The following ANTXR2 variants were observed in gnomAD, a reference collection of about 807,000 sequenced individuals.
The protein encoded by ANTXR2 is ANTXR cell adhesion molecule 2, also known as anthrax toxin receptor 2.
ANTXR2 carries 44 observed loss-of-function variants against 73.7 expected under a neutral mutation model. The observed-to-expected ratio is 0.60, with a 90% CI of 0.47 to 0.77. ANTXR2 has a LOEUF of 0.77. Ranked by LOEUF, ANTXR2 falls within the 30% of genes least tolerant of loss-of-function variation. ANTXR2 has a pLI of 0.00. For synonymous variants in ANTXR2, 217 were observed against 205.9 expected (o/e 1.05, Z -0.46); for missense variants, 604 against 592.5 (o/e 1.02, Z -0.20).
Position 80,073,131 on chromosome 4 carries a change from C to A in ANTXR2, c.-571G>T, listed in dbSNP as rs2110130295. 1 of 152,784 alleles carries A rather than the reference C, an allele frequency of 6.5e-6. No individual in the cohort carries two copies. The highest frequency in any genetic ancestry group is 1.5e-5 in the Non-Finnish European group (1 of 68,414). 9.5% of individuals were successfully genotyped at this position (152,784 alleles called of 1,614,324 possible). On this transcript the variant is annotated 5_prime_UTR_variant, in exon 1 of 17. Coordinates refer to ENST00000403729, the MANE Select transcript of ANTXR2 (RefSeq NM_058172.6). ...CTCTGGCACTGCGCTGACAGGCCGT[C>A]CCCTTTAGGGGAGGAGGCTAGCTGG...
In ANTXR2 at chr4:79,978,062, G is replaced by A. The variant is rs897099943; in HGVS notation, c.1292C>T (p.Pro431Leu). The change falls in exon 15 of 17, where the codon CCT (proline) becomes CTT (leucine). Residue 431 changes from proline to leucine, a missense_variant. Coordinates refer to ENST00000403729, the MANE Select transcript of ANTXR2 (RefSeq NM_058172.6). ...ETEEPIRPRP[P>L]RPKPTHQPPQ... ...AGGCTGGTGTGTGGGTTTGGGTCGA[G>A]GTGGTCTAGGCCTGATGGGTTCCTC... is the stretch of plus-strand genomic sequence containing the variant. 5.6e-5 allele frequency: 91 copies of A among 1,612,714 alleles called. No homozygotes were observed. Among genetic ancestry groups the A allele is most frequent in the Non-Finnish European group, 7.0e-5 (83 of 1,179,490 alleles).
Position 79,901,709 on chromosome 4 carries a change from A to G in ANTXR2, c.*5720T>C. On this transcript the variant is annotated 3_prime_UTR_variant, in exon 17 of 17. Coordinates refer to ENST00000403729, the MANE Select transcript of ANTXR2 (RefSeq NM_058172.6). ...CTCACTATAATGTAGAATCAGTGGG[A>G]GCCTGAGCTTGTTTTCCTGCAACTA... The G allele has an allele frequency of 6.0e-6, 1 of 167,812 alleles. No homozygotes were observed. The highest frequency in any genetic ancestry group is 1.2e-5 in the Non-Finnish European group (1 of 81,312). The allele number at this position is 167,812 out of a possible 1,614,324, so 10.4% of individuals were successfully genotyped here.
intron 7 of ANTXR2, among the ~76,000 whole-genome samples, chr4:80,038,002 A>G (rs1578176224): frequency 6.6e-6 from 1 of 152,112 alleles, no homozygotes; most frequent in African/African-American, 2.4e-5. Flanking sequence ...TCAGTTTATA[A>G]TCTCTTTAGT....
intron 7 of ANTXR2, among the ~76,000 whole-genome samples, chr4:80,041,948 T>A (rs1560418942): frequency 6.6e-6 from 1 of 152,080 alleles, no homozygotes; most frequent in Non-Finnish European, 1.5e-5. Context: ...TGTATCTTTG[T>A]AATAGAATGT....
chr4:79,907,329 C>CA lies in ANTXR2; in HGVS notation c.*99dup. 7.5e-7 allele frequency: 1 copy of CA among 1,331,848 alleles called. No homozygotes were observed. The highest frequency in any genetic ancestry group is 1.1e-6 in the Non-Finnish European group (1 of 936,814). 82.5% of individuals were successfully genotyped at this position (1,331,848 alleles called of 1,614,324 possible). A position where few individuals can be genotyped will look rare whatever the true frequency, so the allele number is the denominator to read the frequency against. On this transcript the variant is annotated 3_prime_UTR_variant, in exon 17 of 17. Coordinates refer to ENST00000403729, the MANE Select transcript of ANTXR2 (RefSeq NM_058172.6). ...ACTGAGAGGAATTAAGCTGCTCTTC[C>CA]AAAAGCTTCTGAAATGCACTTGATT...
chr4:80,072,717 A>G lies in ANTXR2; in HGVS notation c.-157T>C, dbSNP rs1255478807. On this transcript the variant is annotated 5_prime_UTR_variant, in exon 1 of 17. Coordinates refer to ENST00000403729, the MANE Select transcript of ANTXR2 (RefSeq NM_058172.6). ...GCGGCAGCGGGACCCACCAGCTGAC[A>G]GGGAGGGAGAGAGGGAGGTCCTGAG... The G allele has an allele frequency of 7.4e-7, 1 of 1,347,934 alleles. No individual in the cohort carries two copies. The highest frequency in any genetic ancestry group is 9.5e-7 in the Non-Finnish European group (1 of 1,055,200). 83.5% of individuals were successfully genotyped at this position (1,347,934 alleles called of 1,614,324 possible). A position where few individuals can be genotyped will look rare whatever the true frequency, so the allele number is the denominator to read the frequency against.
chr4:79,973,021 A>G (rs1729487376), intron 16 of ANTXR2, among the ~76,000 whole-genome samples: 1 of 152,148 alleles, frequency 6.6e-6, no homozygotes, highest in Non-Finnish European at 1.5e-5. Flanking sequence ...CTAGTATAAG[A>G]AATTGTCAAA....
rs1255807166 is a variant in ANTXR2, at chr4:79,905,453, A to G, written c.*1976T>C. 2 of 152,212 alleles carry G rather than the reference A, an allele frequency of 1.3e-5. No homozygotes were observed. The highest frequency in any genetic ancestry group is 1.3e-4 in the Admixed American group (2 of 15,262). The allele number at this position is 152,212 out of a possible 1,614,324, so 9.4% of individuals were successfully genotyped here. A position where few individuals can be genotyped will look rare whatever the true frequency, so the allele number is the denominator to read the frequency against. On this transcript the variant is annotated 3_prime_UTR_variant, in exon 17 of 17. Coordinates refer to ENST00000403729, the MANE Select transcript of ANTXR2 (RefSeq NM_058172.6). ...CTACTGCCAATAGTATCATCTGTGA[A>G]CATGAGGGACATTTTGGAACTGAAT...
At chr4:79,985,077 G>A (rs1434739563) in intron 12 of ANTXR2, among the ~76,000 whole-genome samples, 1 of 151,912 alleles carries the variant, frequency 6.6e-6, no homozygotes, top group Non-Finnish European at 1.5e-5. Flanking sequence ...GGCCAGGTGC[G>A]GTCGCTCATG....
At chr4:79,935,259 GA>G (rs1728216320) in intron 16 of ANTXR2, among the ~76,000 whole-genome samples, 1 of 150,810 alleles carries the variant, frequency 6.6e-6, no homozygotes, top group Admixed American at 6.6e-5. Flanking sequence ...TGACCAATTA[GA>G]AAAAGCACCC....
intron 7 of ANTXR2, among the ~76,000 whole-genome samples, chr4:80,036,974 T>C (rs574845733): frequency 1.3e-5 from 2 of 152,208 alleles, no homozygotes; most frequent in African/African-American, 4.8e-5. Flanking sequence ...ACAGACTCCA[T>C]ACTCAAGCAT....
intron 14 of ANTXR2, among the ~76,000 whole-genome samples, chr4:79,978,606 T>G (rs1729748200): frequency 6.6e-6 from 1 of 152,240 alleles, no homozygotes; most frequent in African/African-American, 2.4e-5. Context: ...ACTGAGTGAT[T>G]ACTATGTGTC....
chr4:80,033,007 AAAAG>A (rs1359752067), intron 9 of ANTXR2, among the ~76,000 whole-genome samples: 7 of 151,960 alleles, frequency 4.6e-5, no homozygotes, highest in Admixed American at 3.3e-4. Context: ...GTGACAAAAA[AAAAG>A]AAAGAAAAAA....
chr4:80,072,909 G>A lies in ANTXR2; in HGVS notation c.-349C>T. The stretch of plus-strand genomic sequence containing the variant: ...AGGAGTTCCTCTCCGGCCTGGGGCC[G>A]AGCCTCCAGCGCCCGCCTCGGACCC... On this transcript the variant is annotated 5_prime_UTR_variant, in exon 1 of 17. Coordinates refer to ENST00000403729, the MANE Select transcript of ANTXR2 (RefSeq NM_058172.6). 1 of 253,736 alleles carries A rather than the reference G, an allele frequency of 3.9e-6. No individual in the cohort carries two copies. The highest frequency in any genetic ancestry group is 6.9e-6 in the Non-Finnish European group (1 of 145,120). The allele number at this position is 253,736 out of a possible 1,614,324, so 15.7% of individuals were successfully genotyped here. A position where few individuals can be genotyped will look rare whatever the true frequency, so the allele number is the denominator to read the frequency against.
chr4:80,037,003 G>C (rs1215600436), intron 7 of ANTXR2, among the ~76,000 whole-genome samples: 1 of 152,094 alleles, frequency 6.6e-6, no homozygotes, highest in African/African-American at 2.4e-5. Context: ...CACAGGAACA[G>C]AACTGCTCTT....
intron 2 of ANTXR2, among the ~76,000 whole-genome samples, chr4:80,069,909 T>C (rs1458221809): frequency 1.3e-5 from 2 of 152,246 alleles, no homozygotes; most frequent in African/African-American, 4.8e-5. Flanking sequence ...GTACCCAGTT[T>C]GACTTAATGA....
chr4:79,922,012 G>C lies in ANTXR2; in HGVS notation c.1429-14545C>G, dbSNP rs1054894760. On this transcript the variant is annotated intron_variant, in intron 16 of 16. Coordinates refer to ENST00000403729, the MANE Select transcript of ANTXR2 (RefSeq NM_058172.6). ...TTATTACAGATGTATGATATAAAAT[G>C]ATGTATATGTTTTAATAACATATAC... Among the ~76,000 whole-genome samples the C allele has an allele frequency of 5.0e-4, 76 of 152,022 alleles. 1 individual carries two copies. Among genetic ancestry groups the C allele is most frequent in the Admixed American group, 4.7e-3 (72 of 15,236 alleles).
At chr4:80,068,109 CA>C (rs1366300158) in intron 3 of ANTXR2, among the ~76,000 whole-genome samples, 1 of 152,126 alleles carries the variant, frequency 6.6e-6, no homozygotes, top group African/African-American at 2.4e-5. Flanking sequence ...ACTAAAAGCA[CA>C]AAGATTAAAA....
At chr4:79,994,970 C>G (rs1324634719) in intron 12 of ANTXR2, among the ~76,000 whole-genome samples, 1 of 151,992 alleles carries the variant, frequency 6.6e-6, no homozygotes, top group Non-Finnish European at 1.5e-5. Flanking sequence ...TGCACCTCCT[C>G]TCCAGCCAGC....
Sources: allele counts gnomAD v4.1 joint callset (sites outside exome capture counted in the v4.1 genomes callset), GRCh38; gene constraint gnomAD v4.1.1; transcripts MANE v1.5; gene names NCBI Gene and HGNC (gene_info 2026-07-23, HGNC 2026-07-21).